Variants in LRP2 observed in about 807,000 individuals in gnomAD.
LRP2 encodes the protein low-density lipoprotein receptor-related protein 2.
In LRP2, 172 loss-of-function variants were observed where a neutral mutation model predicts 531.0. That is an observed-to-expected ratio of 0.32 (90% CI 0.29 to 0.37). The LOEUF is 0.37. Ranked by LOEUF, LRP2 falls within the 10% of genes least tolerant of loss-of-function variation. The probability of loss-of-function intolerance (pLI) is 1.00; values close to 1 mark genes in which losing one functional copy is unlikely to be tolerated. For missense variants in LRP2, 5,167 were observed against 5,868.3 expected (o/e 0.88, Z 3.90); for synonymous variants, 1,992 against 2,027.6 (o/e 0.98, Z 0.47).
At chr2:169,175,534 C>A in intron 54 of LRP2, 145 bp from the exon 55 acceptor site, 1 of 726,236 alleles carries the variant, frequency 1.4e-6, no homozygotes. Context: ...ATCTCAGTTA[C>A]AATGGTGTAT....
At chr2:169,157,280 T>C in intron 64 of LRP2, 91 bp downstream of exon 64, 1 of 1,330,206 alleles carries the variant, frequency 7.5e-7, no homozygotes, top group Non-Finnish European at 1.1e-6. Flanking sequence ...ATTAAGGGAA[T>C]TAAATAGTGA....
intron 50 of LRP2, among the ~76,000 whole-genome samples, chr2:169,183,532 C>A (rs1450232283): frequency 6.6e-6 from 1 of 152,150 alleles, no homozygotes; most frequent in Non-Finnish European, 1.5e-5. Flanking sequence ...TTATTCTTGT[C>A]GTATTAGTAT....
chr2:169,135,962 C>T (rs1236937256), intron 76 of LRP2, among the ~76,000 whole-genome samples: 2 of 152,172 alleles, frequency 1.3e-5, no homozygotes, highest in Non-Finnish European at 2.9e-5. Context: ...CCCCAAACCG[C>T]CACTCTTAAC....
At chr2:169,304,017 CG>C (rs1310235321) in intron 4 of LRP2, among the ~76,000 whole-genome samples, 1 of 152,166 alleles carries the variant, frequency 6.6e-6, no homozygotes, top group Non-Finnish European at 1.5e-5. Flanking sequence ...CTTACATATT[CG>C]TATCCTGCCA....
chr2:169,271,980 C>A (rs536583945), intron 15 of LRP2, among the ~76,000 whole-genome samples: 1 of 151,906 alleles, frequency 6.6e-6, no homozygotes, highest in African/African-American at 2.4e-5. Context: ...ATCGCAGTAA[C>A]GGAATTTAAA....
intron 71 of LRP2, among the ~76,000 whole-genome samples, chr2:169,140,788 T>C (rs1010348612): frequency 5.3e-5 from 8 of 152,230 alleles, no homozygotes; most frequent in African/African-American, 1.9e-4. Context: ...GGAGAGGTAC[T>C]AGACTCTGGA....
chr2:169,160,593 A>G (rs1686541016), intron 63 of LRP2, among the ~76,000 whole-genome samples: 1 of 151,670 alleles, frequency 6.6e-6, no homozygotes, highest in South Asian at 2.1e-4. Flanking sequence ...GTCCAGAGAA[A>G]TAAGACTGAA....
At chr2:169,256,523 A>T (rs920995096) in intron 18 of LRP2, among the ~76,000 whole-genome samples, 1 of 152,124 alleles carries the variant, frequency 6.6e-6, no homozygotes, top group East Asian at 1.9e-4. Context: ...TAAGAAAAAC[A>T]GTGGTAGTAA....
In LRP2 at chr2:169,185,717, T is replaced by A; in HGVS notation, c.9631A>T (p.Asn3211Tyr). 6.2e-7 allele frequency: 1 copy of A among 1,614,056 alleles called. No homozygotes were observed. Among genetic ancestry groups the A allele is most frequent in the Non-Finnish European group, 8.5e-7 (1 of 1,180,014 alleles). Residue 3211 changes from asparagine to tyrosine, a missense_variant, in exon 50 of 79, where the codon AAT (asparagine) becomes TAT (tyrosine). Coordinates refer to ENST00000649046, the MANE Select transcript of LRP2 (RefSeq NM_004525.3). ...LIFSNRYYLR[N>Y]LTIDGYFYSL... The stretch of plus-strand genomic sequence containing the variant: ...TAAAAATAGCCATCTATAGTTAAAT[T>A]TCTCAAATAGTAACGGTTGCTAAAA...
chr2:169,361,392 C>G lies in LRP2; in HGVS notation c.79+929G>C, dbSNP rs12986767. 1.1e-3 allele frequency among the ~76,000 whole-genome samples: 150 copies of G among 141,350 alleles called. 1 individual carries two copies. The highest frequency in any genetic ancestry group is 3.5e-3 in the African/African-American group (125 of 36,048). The allele number at this position is 141,350 out of a possible 152,430, so 92.7% of individuals were successfully genotyped here. A position where few individuals can be genotyped will look rare whatever the true frequency, so the allele number is the denominator to read the frequency against. ...TCTCTCTCTCCCTCTCTCTCTCTCT[C>G]TCTGTCTCTCTCCTCTCTCTCCTCT... On this transcript the variant is annotated intron_variant, in intron 1 of 78. Coordinates refer to ENST00000649046, the MANE Select transcript of LRP2 (RefSeq NM_004525.3).
intron 48 of LRP2, 28 bp from the exon 49 acceptor site, chr2:169,188,293 C>A: frequency 6.2e-7 from 1 of 1,612,504 alleles, no homozygotes; most frequent in South Asian, 1.1e-5. Flanking sequence ...GTACCACTTT[C>A]AGAGAGGTTG....
intron 9 of LRP2, among the ~76,000 whole-genome samples, chr2:169,284,820 T>G (rs1257958030): frequency 1.3e-5 from 2 of 151,998 alleles, no homozygotes; most frequent in Non-Finnish European, 2.9e-5. Flanking sequence ...TACAGGACAT[T>G]CTCCCTCAAA....
intron 14 of LRP2, among the ~76,000 whole-genome samples, chr2:169,273,328 A>G (rs570558969): frequency 3.9e-5 from 6 of 152,262 alleles, no homozygotes; most frequent in African/African-American, 1.4e-4. Context: ...TTTCTCCCCA[A>G]TAATTATGTC....
intron 1 of LRP2, among the ~76,000 whole-genome samples, chr2:169,335,787 G>A (rs994800660): frequency 6.6e-6 from 1 of 152,100 alleles, no homozygotes; most frequent in Non-Finnish European, 1.5e-5. Flanking sequence ...GCCAAGGTGG[G>A]TGGATCACTT....
At chr2:169,217,708 C>T (rs1190761582) in intron 34 of LRP2, among the ~76,000 whole-genome samples, 3 of 152,062 alleles carry the variant, frequency 2.0e-5, no homozygotes, top group Non-Finnish European at 4.4e-5. Flanking sequence ...GATTCTCATC[C>T]CTAGCAGACT....
intron 50 of LRP2, 63 bp from the exon 51 acceptor site, chr2:169,182,382 A>AC: frequency 6.2e-7 from 1 of 1,603,350 alleles, no homozygotes; most frequent in South Asian, 1.1e-5. Context: ...ATATTTAGCC[A>AC]CCCAGTTTCC....
At chr2:169,291,708 C>A (rs1464771492) in intron 7 of LRP2, among the ~76,000 whole-genome samples, 1 of 152,040 alleles carries the variant, frequency 6.6e-6, no homozygotes, top group Non-Finnish European at 1.5e-5. Flanking sequence ...CTACACTTAC[C>A]ATCCCCAGCT....
At chr2:169,189,827 C>T (rs1687769812) in intron 48 of LRP2, among the ~76,000 whole-genome samples, 2 of 151,704 alleles carry the variant, frequency 1.3e-5, no homozygotes, top group Admixed American at 1.3e-4. Context: ...CTACTATAGC[C>T]CTTTTCAAGG....
chr2:169,157,915 T>TAGAA, intron 63 of LRP2, among the ~76,000 whole-genome samples: 2 of 61,344 alleles, frequency 3.3e-5, no homozygotes, highest in South Asian at 6.4e-4. Context: ...AGATAACAGA[T>TAGAA]AGAAATAAAT....
Sources: gnomAD v4.1 joint callset for allele counts (sites outside exome capture counted in the v4.1 genomes callset) on GRCh38, gnomAD v4.1.1 for gene constraint, MANE v1.5 for transcripts, NCBI Gene and HGNC (gene_info 2026-07-23, HGNC 2026-07-21) for gene names.